The following TUT4 variants were observed in gnomAD, a reference collection of about 807,000 sequenced individuals.
The protein encoded by TUT4 is terminal uridylyltransferase 4.
TUT4 carries 36 observed loss-of-function variants against 192.2 expected under a neutral mutation model. That is an observed-to-expected ratio of 0.19 (90% CI 0.14 to 0.25). The LOEUF is 0.25. Among genes scored for constraint, TUT4 ranks in the 10% least tolerant of loss-of-function variants. The pLI is 1.00. For missense variants in TUT4, 1,493 were observed against 1,957.2 expected, an observed-to-expected ratio of 0.76 and a Z score of 4.47; for synonymous variants, 618 against 666.0, an observed-to-expected ratio of 0.93 and a Z score of 1.11.
At position 52,471,940 on chromosome 1, in the gene TUT4, TGAAA is replaced by T; in HGVS notation, c.2878+8_2878+11del. The T allele has an allele frequency of 6.2e-7, 1 of 1,608,538 alleles. No homozygotes were observed. Among genetic ancestry groups the T allele is most frequent in the Non-Finnish European group, 8.5e-7 (1 of 1,176,940 alleles). ...AATCTAGTCCCAATAGTTGTAGTAA[TGAAA>T]GACTTACCAAAACATCTTTTACATA... On this transcript the variant is annotated splice_region_variant and intron_variant, in intron 14 of 29. Transcript: ENST00000257177.
rs148824635 is a variant in TUT4, at chr1:52,425,381, C to T, written c.4838G>A (p.Arg1613Gln). Residue 1613 changes from arginine (R) to glutamine (Q), a missense_variant, in exon 29 of 30, where the codon CGA becomes CAA. Around this residue, in one of 7 missense-constraint regions of TUT4, gnomAD observed 351 missense variants for 397.8 expected, o/e 0.88. Transcript: ENST00000257177. ...HQNFMHQGNA[R>Q]FQPNKPFYTQ... ...ATAGAAAGGTTTGTTGGGCTGGAATCGGGCATTTCCCTGATGCATGAAGTT... is the reference window on the plus strand; with the variant it reads ...ATAGAAAGGTTTGTTGGGCTGGAATTGGGCATTTCCCTGATGCATGAAGTT... 86 of 1,613,662 alleles carry T rather than the reference C, an allele frequency of 5.3e-5. No individual in the cohort carries two copies. Among genetic ancestry groups the T allele is most frequent in the Middle Eastern group, 1.7e-4 (1 of 6,052 alleles).
At chr1:52,466,625 GAC>G (rs1170524592) in intron 15 of TUT4, among the ~76,000 whole-genome samples, 6 of 141,642 alleles carry the variant, frequency 4.2e-5, no homozygotes, top group Non-Finnish European at 9.0e-5. Flanking sequence ...GAGCCCGGGT[GAC>G]AGAGTAATAT....
chr1:52,491,117 T>C (rs774853970), intron 7 of TUT4, among the ~76,000 whole-genome samples: 10 of 152,210 alleles, frequency 6.6e-5, no homozygotes, highest in Non-Finnish European at 1.2e-4. Context: ...TAAACCTTCA[T>C]AGATAACAGC....
At chr1:52,519,681 G>A (rs1679701340) in intron 2 of TUT4, among the ~76,000 whole-genome samples, 1 of 151,736 alleles carries the variant, frequency 6.6e-6, no homozygotes, top group Admixed American at 6.6e-5. Flanking sequence ...AGCTAATTTT[G>A]TATTTTTAGT....
At chr1:52,498,737 A>C (rs898844221) in intron 4 of TUT4, among the ~76,000 whole-genome samples, 5 of 150,978 alleles carry the variant, frequency 3.3e-5, no homozygotes, top group African/African-American at 1.2e-4. Flanking sequence ...AAATACAAAA[A>C]TTAGGTGGGC....
intron 1 of TUT4, among the ~76,000 whole-genome samples, chr1:52,532,753 G>A (rs1414363085): frequency 1.3e-5 from 2 of 152,084 alleles, no homozygotes; most frequent in East Asian, 3.8e-4. Flanking sequence ...AATAAGATAT[G>A]CCAATATTAT....
rs12739831 is a variant in TUT4 at position 52,449,974 on chromosome 1, T to G, written c.3436-3307A>C. On this transcript the variant is annotated intron_variant, in intron 20 of 29. Transcript: ENST00000257177. Reference sequence around the variant, plus strand: ...TTTAAGCTGATATGGGTTAAAAAAATTTTTCATAAAATCATGTGTGAACAC... The same window carrying G: ...TTTAAGCTGATATGGGTTAAAAAAAGTTTTCATAAAATCATGTGTGAACAC... Among the ~76,000 whole-genome samples, 4 of 152,328 alleles carry G rather than the reference T, an allele frequency of 2.6e-5. No individual in the cohort carries two copies. In the East Asian group the frequency reaches 7.7e-4, roughly 29 times the overall value.
In TUT4 at chr1:52,481,511, T is replaced by C; in HGVS notation, c.1760A>G (p.Asn587Ser). 6.2e-7 allele frequency: 1 copy of C among 1,614,026 alleles called. No individual in the cohort carries two copies. The highest frequency in any genetic ancestry group is 1.1e-5 in the South Asian group (1 of 91,076). The change falls in exon 11 of 30, where the codon AAC becomes AGC. Residue 587 changes from asparagine (N) to serine (S), a missense_variant. Coordinates refer to ENST00000257177, the MANE Select transcript of TUT4 (RefSeq NM_001009881.3). ...ATEKNSIAEE[N>S]KAKADQPKDD... The stretch of plus-strand genomic sequence containing the variant: ...TTTTGGTTGGTCTGCCTTAGCTTTG[T>C]TTTCCTCAGCAATTGAGTTTTTCTC...
chr1:52,520,854 G>A (rs779485564), intron 2 of TUT4, among the ~76,000 whole-genome samples: 47 of 151,802 alleles, frequency 3.1e-4, no homozygotes, highest in Non-Finnish European at 4.6e-4. Flanking sequence ...GTGCAATGAC[G>A]CGATCTCAGC....
At chr1:52,491,245 T>C (rs547294521) in intron 7 of TUT4, among the ~76,000 whole-genome samples, 12 of 152,324 alleles carry the variant, frequency 7.9e-5, no homozygotes, top group South Asian at 4.1e-4. Context: ...AACCTAACTC[T>C]TCAGGCCACA....
chr1:52,523,343 T>C (rs1454559681), intron 2 of TUT4, among the ~76,000 whole-genome samples: 1 of 149,262 alleles, frequency 6.7e-6, no homozygotes, highest in Non-Finnish European at 1.5e-5. Flanking sequence ...TAGTGGCTCA[T>C]GCCTGTAATC....
At chr1:52,537,420 TC>T (rs1263391376) in intron 1 of TUT4, among the ~76,000 whole-genome samples, 1 of 152,026 alleles carries the variant, frequency 6.6e-6, no homozygotes, top group South Asian at 2.1e-4. Flanking sequence ...AAAGGTTCAA[TC>T]CAGCAAGGAC....
rs1281482441 is a variant in TUT4, at chr1:52,515,912, A to T, written c.861T>A (p.Asp287Glu). 1 of 1,613,666 alleles carries T rather than the reference A, an allele frequency of 6.2e-7. No homozygotes were observed. The change falls in exon 3 of 30, where the codon GAT (aspartate) becomes GAA (glutamate). Residue 287 changes from aspartate to glutamate, a missense_variant. Asp to Glu is a conservative substitution (Grantham distance 45). Coordinates refer to ENST00000257177, the MANE Select transcript of TUT4 (RefSeq NM_001009881.3). ...ATACTTTTTCAAGTCGAAAGATGTG[A>T]TCTCTTTCTAAGCGTTCTTCTGCTT... ...LKQAEERLERDHIFRLEKRSP... is the reference protein window; with the variant it reads ...LKQAEERLEREHIFRLEKRSP...
At chr1:52,442,147 G>T (rs1655797505) in intron 24 of TUT4, among the ~76,000 whole-genome samples, 1 of 135,878 alleles carries the variant, frequency 7.4e-6, no homozygotes, top group Non-Finnish European at 1.5e-5. Context: ...CAGCATGGGT[G>T]ACAGAGTGAG....
chr1:52,489,683 C>T (rs1670656530), intron 8 of TUT4, among the ~76,000 whole-genome samples: 1 of 152,108 alleles, frequency 6.6e-6, no homozygotes, highest in Non-Finnish European at 1.5e-5. Context: ...CACACACAGG[C>T]AATTTAACAC....
chr1:52,537,878 T>G (rs1685374266), intron 1 of TUT4, among the ~76,000 whole-genome samples: 1 of 151,950 alleles, frequency 6.6e-6, no homozygotes, highest in South Asian at 2.1e-4. Context: ...GCCACTGCAC[T>G]CCAGTCTGGG....
chr1:52,463,122 A>G, intron 16 of TUT4: 3 of 982,678 alleles, frequency 3.1e-6, no homozygotes, highest in Non-Finnish European at 3.6e-6. Context: ...AAAATGATTT[A>G]TTATTTTCAT....
chr1:52,515,721 G>A (rs1678544841), intron 3 of TUT4, 170 bp downstream of exon 3: 2 of 750,254 alleles, frequency 2.7e-6, no homozygotes, highest in Non-Finnish European at 2.2e-6. Flanking sequence ...GAAAAAGAGA[G>A]GCAAGGAAGA....
intron 3 of TUT4, chr1:52,515,167 A>C (rs1161258373): frequency 6.6e-6 from 1 of 152,234 alleles, no homozygotes; most frequent in African/African-American, 2.4e-5. Context: ...AATACACAGG[A>C]ATAAGATACC....
Sources: gnomAD v4.1 joint callset for allele counts (sites outside exome capture counted in the v4.1 genomes callset) on GRCh38, gnomAD v4.1.1 for gene constraint, gnomAD v4.1.1 regional missense constraint, MANE v1.5 for transcripts, NCBI Gene and HGNC (gene_info 2026-07-23, HGNC 2026-07-21) for gene names.